CYB5RL: variants seen among roughly 807,000 people sequenced by gnomAD.
CYB5RL encodes the protein cytochrome b5 reductase like.
CYB5RL carries 38 observed loss-of-function variants against 37.5 expected under a neutral mutation model. The ratio of observed to expected loss-of-function variants is 1.01; its 90% CI spans 0.78 to 1.33. The LOEUF is 1.33. CYB5RL is among the 40% of genes most tolerant of loss of function. The pLI, the probability that CYB5RL is intolerant of heterozygous loss-of-function variation, is 0.00. For missense variants in CYB5RL, 388 were observed against 394.4 expected, an observed-to-expected ratio of 0.98 and a Z score of 0.14; for synonymous variants, 141 against 151.9, an observed-to-expected ratio of 0.93 and a Z score of 0.53.
At chr1:54,190,556 G>C in intron 4 of CYB5RL, 192 bp downstream of exon 4, 1 of 688,584 alleles carries the variant, frequency 1.5e-6, no homozygotes, top group Non-Finnish European at 2.4e-6. Flanking sequence ...TAAAGTGATT[G>C]TGTTATTATT....
chr1:54,190,740 G>A lies in CYB5RL; in HGVS notation c.347+8C>T. The A allele has an allele frequency of 1.3e-6, 2 of 1,552,106 alleles. No individual in the cohort carries two copies. Among genetic ancestry groups the A allele is most frequent in the Non-Finnish European group, 1.7e-6 (2 of 1,147,206 alleles). ...TGAAGCTTTGGTCCTCCCGCTACCT[G>A]AGTGTACCGTAGGATGAGGTGCTGG... On this transcript the variant is annotated splice_region_variant and intron_variant, in intron 4 of 7. Transcript: ENST00000534324.
At chr1:54,176,778 G>C (rs901665983) in intron 7 of CYB5RL, among the ~76,000 whole-genome samples, 4 of 152,204 alleles carry the variant, frequency 2.6e-5, no homozygotes, top group Non-Finnish European at 5.9e-5. Context: ...TGGTGAGACG[G>C]ATAGGGGACC....
chr1:54,198,027 CAAAAAAAAAAAAA>C lies in CYB5RL; in HGVS notation c.-222-1549_-222-1537del, dbSNP rs575486117. On this transcript the variant is annotated intron_variant, in intron 1 of 7. Transcript: ENST00000534324. Reference sequence around the variant, plus strand: ...TGGGTGACAGAGTGAGACTCTGTCTCAAAAAAAAAAAAAAAAAAAAAAAAAAAAAGGGTGGTAT... The same window carrying C: ...TGGGTGACAGAGTGAGACTCTGTCTCAAAAAAAAAAAAAAAAGGGTGGTAT... Among the ~76,000 whole-genome samples the C allele has an allele frequency of 3.3e-3, 257 of 78,534 alleles. 2 individuals are homozygous for C. The Middle Eastern group carries it at 0.05, about 15-fold the overall frequency. The allele number at this position is 78,534 out of a possible 152,430, so 51.5% of individuals were successfully genotyped here.
intron 7 of CYB5RL, chr1:54,175,762 A>G (rs1353474640): frequency 5.6e-6 from 2 of 354,542 alleles, no homozygotes; most frequent in Non-Finnish European, 1.2e-5. Flanking sequence ...CAACATTTAC[A>G]TTGTATTAGG....
At chr1:54,180,062 C>T (rs1044074244) in intron 6 of CYB5RL, 6 of 450,088 alleles carry the variant, frequency 1.3e-5, no homozygotes, top group Admixed American at 1.2e-4. Flanking sequence ...CGTGGCAAAA[C>T]TCCGTCTCTA....
intron 4 of CYB5RL, chr1:54,190,403 G>A (rs1643939878): frequency 1.9e-6 from 1 of 530,212 alleles, no homozygotes; most frequent in Non-Finnish European, 3.3e-6. Flanking sequence ...TTTCCTAACT[G>A]TGTGACCTTG....
At chr1:54,198,611 G>A (rs1159659246) in intron 1 of CYB5RL, among the ~76,000 whole-genome samples, 1 of 145,728 alleles carries the variant, frequency 6.9e-6, no homozygotes, top group Non-Finnish European at 1.5e-5. Flanking sequence ...GATTATAGGC[G>A]TGAGCCACCA....
intron 7 of CYB5RL, 75 bp from the exon 8 acceptor site, chr1:54,174,897 C>T: frequency 6.7e-7 from 1 of 1,497,638 alleles, no homozygotes; most frequent in Non-Finnish European, 9.1e-7. Context: ...CAGCTCTCCT[C>T]TGCAAAATGA....
chr1:54,190,445 C>T (rs563698168), intron 4 of CYB5RL: 62 of 567,986 alleles, frequency 1.1e-4, no homozygotes, highest in Non-Finnish European at 6.2e-6. Context: ...ACTTCAATTT[C>T]CTCTGGGGTA....
rs2100451968 is a variant in CYB5RL at position 54,172,680 on chromosome 1, G to C, written c.*1939C>G. ...TTGCTAGGCTGTAAGTTCCCCGATG[G>C]ACATAACTGCATCTGCCTGGTGTGC... On this transcript the variant is annotated 3_prime_UTR_variant, in exon 8 of 8. Transcript: ENST00000534324. 6.6e-6 allele frequency: 1 copy of C among 152,418 alleles called. No homozygotes were observed. The highest frequency in any genetic ancestry group is 1.5e-5 in the Non-Finnish European group (1 of 68,134). The allele number at this position is 152,418 out of a possible 1,614,324, so 9.4% of individuals were successfully genotyped here.
At chr1:54,192,377 G>T (rs1454917571) in intron 3 of CYB5RL, among the ~76,000 whole-genome samples, 1 of 151,932 alleles carries the variant, frequency 6.6e-6, no homozygotes, top group Non-Finnish European at 1.5e-5. Flanking sequence ...TAGTGATGTG[G>T]TTTCACCATG....
intron 4 of CYB5RL, 75 bp from the exon 5 acceptor site, chr1:54,187,814 G>T: frequency 7.6e-7 from 1 of 1,318,616 alleles, no homozygotes. Flanking sequence ...GGTGGCTCAT[G>T]TCTGTAATCC....
chr1:54,183,844 A>G (rs596786), intron 6 of CYB5RL, among the ~76,000 whole-genome samples: 151,755 of 152,152 alleles, frequency 1, 75,681 homozygotes, highest in Middle Eastern at 1. Context: ...GTGTGGTGGC[A>G]CATGCCTGTA....
chr1:54,181,228 G>GGGA (rs1660151223), intron 6 of CYB5RL, among the ~76,000 whole-genome samples: 1 of 152,132 alleles, frequency 6.6e-6, no homozygotes, highest in African/African-American at 2.4e-5. Flanking sequence ...GCCAGGGCAG[G>GGGA]GGAGGCTCCT....
rs189285074 is a variant in CYB5RL at position 54,173,481 on chromosome 1, T to C, written c.*1138A>G. 1.1e-4 allele frequency: 16 copies of C among 152,348 alleles called. No individual in the cohort carries two copies. Among genetic ancestry groups the C allele is most frequent in the African/African-American group, 3.8e-4 (16 of 41,580 alleles). The allele number at this position is 152,348 out of a possible 1,614,324, so 9.4% of individuals were successfully genotyped here. A position where few individuals can be genotyped will look rare whatever the true frequency, so the allele number is the denominator to read the frequency against. On this transcript the variant is annotated 3_prime_UTR_variant, in exon 8 of 8. Coordinates refer to ENST00000534324, the MANE Select transcript of CYB5RL (RefSeq NM_001031672.4). ...GTGCTGGCTCTGCCATGGACTGTTT[T>C]ACCCTGGGCAAGTCATTTAGTCTCA...
chr1:54,182,893 G>C (rs1350780401), intron 6 of CYB5RL, among the ~76,000 whole-genome samples: 1 of 152,188 alleles, frequency 6.6e-6, no homozygotes, highest in African/African-American at 2.4e-5. Flanking sequence ...GAATGGAGAG[G>C]AAGGCATGAT....
intron 3 of CYB5RL, among the ~76,000 whole-genome samples, chr1:54,192,914 C>T (rs1327119407): frequency 1.3e-5 from 2 of 152,134 alleles, no homozygotes; most frequent in Non-Finnish European, 2.9e-5. Context: ...GCCACCACGT[C>T]TGGCTAATTT....
intron 4 of CYB5RL, chr1:54,188,006 G>A (rs1021109127): frequency 9.0e-6 from 4 of 442,730 alleles, no homozygotes; most frequent in Non-Finnish European, 1.6e-5. Context: ...AACCCGGGAG[G>A]TGGAGGTTTC....
At chr1:54,175,278 C>G (rs988774400) in intron 7 of CYB5RL, among the ~76,000 whole-genome samples, 2 of 152,172 alleles carry the variant, frequency 1.3e-5, no homozygotes, top group Non-Finnish European at 2.9e-5. Flanking sequence ...AGATATTTAC[C>G]AAGTGCTTAT....
Sources: gnomAD v4.1 joint callset for allele counts (sites outside exome capture counted in the v4.1 genomes callset) on GRCh38, gnomAD v4.1.1 for gene constraint, MANE v1.5 for transcripts, NCBI Gene and HGNC (gene_info 2026-07-23, HGNC 2026-07-21) for gene names.